The following KAZN variants were observed in gnomAD, a reference collection of about 807,000 sequenced individuals.
KAZN encodes kazrin, periplakin interacting protein.
Under a neutral mutation model 87.4 loss-of-function variants are expected in KAZN, and 40 were observed. That is an observed-to-expected ratio of 0.46 (90% CI 0.36 to 0.60). The LOEUF is 0.60. Ranked by LOEUF, KAZN falls within the 20% of genes least tolerant of loss-of-function variation. KAZN has a pLI of 0.00. For synonymous variants in KAZN, 466 were observed against 458.3 expected (o/e 1.02, Z -0.22); for missense variants, 898 against 1,073.9 (o/e 0.84, Z 2.29).
intron 1 of KAZN, among the ~76,000 whole-genome samples, chr1:14,134,064 G>A (rs1645053397): frequency 1.3e-5 from 2 of 152,170 alleles, no homozygotes; most frequent in South Asian, 4.1e-4. Flanking sequence ...GAAAAGAAGT[G>A]GATTCAAGTC....
chr1:13,921,478 T>C (rs961590672), intron 1 of KAZN, among the ~76,000 whole-genome samples: 3 of 152,248 alleles, frequency 2.0e-5, no homozygotes, highest in African/African-American at 7.2e-5. Context: ...AGCCACAGGT[T>C]ATAGTTTACT....
chr1:14,384,559 C>T (rs1401264842), intron 2 of KAZN, among the ~76,000 whole-genome samples: 1 of 151,678 alleles, frequency 6.6e-6, no homozygotes, highest in African/African-American at 2.4e-5. Flanking sequence ...CCTTTTCTGC[C>T]TCTATTGAGA....
At chr1:13,913,274 A>G (rs967634683) in intron 1 of KAZN, among the ~76,000 whole-genome samples, 1 of 152,152 alleles carries the variant, frequency 6.6e-6, no homozygotes, top group African/African-American at 2.4e-5. Context: ...TTGTTTTGGT[A>G]TAAACTAGCA....
chr1:14,366,099 G>A (rs1185336425), intron 2 of KAZN, among the ~76,000 whole-genome samples: 1 of 152,206 alleles, frequency 6.6e-6, no homozygotes, highest in African/African-American at 2.4e-5. Context: ...GTTCATTAAA[G>A]CTGTCTGGTA....
intron 2 of KAZN, among the ~76,000 whole-genome samples, chr1:14,549,432 C>T (rs1673364127): frequency 6.6e-6 from 1 of 152,102 alleles, no homozygotes; most frequent in African/African-American, 2.4e-5. Flanking sequence ...AAAGACCAAA[C>T]TTTGTGAGAA....
chr1:14,872,615 T>C (rs543775487), intron 1 of KAZN, among the ~76,000 whole-genome samples: 1 of 152,358 alleles, frequency 6.6e-6, no homozygotes, highest in East Asian at 1.9e-4. Flanking sequence ...TAACCACTGA[T>C]CTAAGTGGGG....
intron 2 of KAZN, among the ~76,000 whole-genome samples, chr1:14,562,071 A>G (rs538697728): frequency 2.6e-5 from 4 of 152,288 alleles, no homozygotes; most frequent in African/African-American, 9.6e-5. Context: ...TTACCAGGCA[A>G]GTGGAAGTGG....
intron 2 of KAZN, among the ~76,000 whole-genome samples, chr1:14,204,890 T>C (rs539036774): frequency 1.3e-5 from 2 of 152,368 alleles, no homozygotes; most frequent in African/African-American, 4.8e-5. Flanking sequence ...GGAAGTGTAC[T>C]AGGGAATGCT....
chr1:14,232,684 T>C (rs1647979297), intron 2 of KAZN, among the ~76,000 whole-genome samples: 1 of 152,254 alleles, frequency 6.6e-6, no homozygotes, highest in South Asian at 2.1e-4. Flanking sequence ...GATGTTCCAG[T>C]ACTCTTGTGT....
chr1:15,073,089 C>T (rs1639586991), intron 8 of KAZN, among the ~76,000 whole-genome samples: 1 of 152,236 alleles, frequency 6.6e-6, no homozygotes, highest in South Asian at 2.1e-4. Context: ...AGCCTACCCT[C>T]AGCCAGTGGC....
chr1:14,900,158 G>A (rs1455557051), intron 1 of KAZN, among the ~76,000 whole-genome samples: 3 of 152,102 alleles, frequency 2.0e-5, no homozygotes, highest in African/African-American at 7.2e-5. Context: ...GTGAAGATGG[G>A]GTAGCTGCTG....
chr1:14,967,017 A>C (rs898637979), intron 2 of KAZN, among the ~76,000 whole-genome samples: 2 of 152,090 alleles, frequency 1.3e-5, no homozygotes, highest in Non-Finnish European at 2.9e-5. Context: ...AGGCTAGAAG[A>C]CTAGTCTGCA....
intron 1 of KAZN, among the ~76,000 whole-genome samples, chr1:14,708,813 G>T (rs1642343588): frequency 6.6e-6 from 1 of 152,210 alleles, no homozygotes; most frequent in African/African-American, 2.4e-5. Context: ...GCCCTGCAGT[G>T]TTGGGTTATA....
intron 2 of KAZN, among the ~76,000 whole-genome samples, chr1:14,307,091 G>C (rs1162769774): frequency 6.6e-6 from 1 of 152,096 alleles, no homozygotes. Flanking sequence ...TACACAGAGG[G>C]GGATTTCATA....
chr1:14,538,106 T>C (rs1672607194), intron 2 of KAZN, among the ~76,000 whole-genome samples: 3 of 152,164 alleles, frequency 2.0e-5, no homozygotes, highest in Admixed American at 2.0e-4. Flanking sequence ...ACTTAGATCT[T>C]GATTTACACC....
intron 2 of KAZN, among the ~76,000 whole-genome samples, chr1:14,356,972 G>T (rs1659082514): frequency 6.6e-6 from 1 of 151,970 alleles, no homozygotes; most frequent in East Asian, 1.9e-4. Flanking sequence ...GAAAGTCAAT[G>T]GTGGCTTGAT....
At chr1:14,488,970 A>G (rs1386270795) in intron 2 of KAZN, among the ~76,000 whole-genome samples, 8 of 152,214 alleles carry the variant, frequency 5.3e-5, no homozygotes, top group African/African-American at 1.9e-4. Flanking sequence ...TATTCACGGT[A>G]AGGGTGCAGT....
At chr1:14,176,650 G>C (rs1401671822) in intron 1 of KAZN, among the ~76,000 whole-genome samples, 4 of 152,110 alleles carry the variant, frequency 2.6e-5, no homozygotes, top group Admixed American at 6.5e-5. Flanking sequence ...ATGCAACGAG[G>C]CACAGCTCTG....
intron 2 of KAZN, among the ~76,000 whole-genome samples, chr1:14,285,960 A>G (rs1427503370): frequency 6.6e-6 from 1 of 152,120 alleles, no homozygotes; most frequent in Non-Finnish European, 1.5e-5. Flanking sequence ...AAGACTAAAG[A>G]CGCCATATCA....
Sources: gnomAD v4.1 joint callset for allele counts (sites outside exome capture counted in the v4.1 genomes callset) on GRCh38, gnomAD v4.1.1 for gene constraint, MANE v1.5 for transcripts, NCBI Gene and HGNC (gene_info 2026-07-23, HGNC 2026-07-21) for gene names.